LHFPL6: variants seen among roughly 807,000 people sequenced by gnomAD.
LHFPL6 encodes LHFPL tetraspan subfamily member 6.
In LHFPL6, 9 loss-of-function variants were observed where a neutral mutation model predicts 20.6. That is an observed-to-expected ratio of 0.44 (90% CI 0.26 to 0.76). LHFPL6 has a LOEUF of 0.76. Among genes scored for constraint, LHFPL6 ranks in the 30% least tolerant of loss-of-function variants. The pLI is 0.20. For missense variants in LHFPL6, 218 were observed against 253.5 expected, an observed-to-expected ratio of 0.86 and a Z score of 0.95; for synonymous variants, 105 against 98.7, an observed-to-expected ratio of 1.06 and a Z score of -0.38.
At chr13:39,596,933 A>G (rs1872788536) in intron 2 of LHFPL6, among the ~76,000 whole-genome samples, 1 of 152,224 alleles carries the variant, frequency 6.6e-6, no homozygotes, top group African/African-American at 2.4e-5. Flanking sequence ...TCAAGTCATG[A>G]AAGACAGGCC....
At chr13:39,464,410 G>A (rs1872753357) in intron 2 of LHFPL6, among the ~76,000 whole-genome samples, 1 of 152,070 alleles carries the variant, frequency 6.6e-6, no homozygotes, top group Non-Finnish European at 1.5e-5. Flanking sequence ...AACAGAGAAG[G>A]AAATCAAATG....
At chr13:39,455,362 T>C (rs987149273) in intron 2 of LHFPL6, among the ~76,000 whole-genome samples, 1 of 152,172 alleles carries the variant, frequency 6.6e-6, no homozygotes, top group African/African-American at 2.4e-5. Flanking sequence ...TTTCACAGCA[T>C]GCTCTGAAAT....
At chr13:39,455,695 C>T (rs943565) in intron 2 of LHFPL6, among the ~76,000 whole-genome samples, 148,231 of 152,248 alleles carry the variant, frequency 0.97, 72,276 homozygotes, top group East Asian at 1. Flanking sequence ...TCACAGTTAA[C>T]GTAATGTATT....
chr13:39,527,630 A>T (rs1415794124), intron 2 of LHFPL6, among the ~76,000 whole-genome samples: 2 of 151,978 alleles, frequency 1.3e-5, no homozygotes, highest in Non-Finnish European at 2.9e-5. Context: ...TTATATACTC[A>T]TCATTTTTTT....
At chr13:39,439,179 C>T (rs1872048363) in intron 2 of LHFPL6, among the ~76,000 whole-genome samples, 1 of 152,238 alleles carries the variant, frequency 6.6e-6, no homozygotes, top group African/African-American at 2.4e-5. Context: ...GGGAGCCCAC[C>T]CATTGCACCA....
At chr13:39,481,969 G>T (rs1176396319) in intron 2 of LHFPL6, among the ~76,000 whole-genome samples, 1 of 152,146 alleles carries the variant, frequency 6.6e-6, no homozygotes, top group Non-Finnish European at 1.5e-5. Context: ...TAGGGTGAAA[G>T]AACATGGATA....
chr13:39,458,022 T>C (rs538645738), intron 2 of LHFPL6, among the ~76,000 whole-genome samples: 134 of 152,272 alleles, frequency 8.8e-4, no homozygotes, highest in African/African-American at 2.9e-3. Flanking sequence ...GAGCTTTTAT[T>C]ATATTTTTGG....
intron 2 of LHFPL6, among the ~76,000 whole-genome samples, chr13:39,574,363 T>G (rs567611477): frequency 6.6e-6 from 1 of 151,754 alleles, no homozygotes; most frequent in South Asian, 2.1e-4. Context: ...GCACCTGTAG[T>G]CCCAGCTACT....
intron 2 of LHFPL6, among the ~76,000 whole-genome samples, chr13:39,394,251 C>G (rs1269902892): frequency 6.6e-6 from 1 of 152,104 alleles, no homozygotes; most frequent in African/African-American, 2.4e-5. Flanking sequence ...CAAATTTCCT[C>G]TTGCGATAAA....
At chr13:39,349,261 A>G (rs1042833233) in intron 3 of LHFPL6, among the ~76,000 whole-genome samples, 4 of 152,252 alleles carry the variant, frequency 2.6e-5, no homozygotes, top group African/African-American at 9.6e-5. Flanking sequence ...AATTATATTG[A>G]GATATAGCCA....
chr13:39,572,686 C>A (rs1052369263), intron 2 of LHFPL6, among the ~76,000 whole-genome samples: 8 of 152,202 alleles, frequency 5.3e-5, no homozygotes, highest in African/African-American at 1.9e-4. Context: ...CCTCTCCTGT[C>A]CTCTATTTCC....
intron 2 of LHFPL6, among the ~76,000 whole-genome samples, chr13:39,401,105 T>C (rs1870979451): frequency 6.6e-6 from 1 of 152,228 alleles, no homozygotes; most frequent in Non-Finnish European, 1.5e-5. Context: ...TGAGCGCAAC[T>C]ACAAATATCC....
chr13:39,509,877 C>T (rs1209169502), intron 2 of LHFPL6, among the ~76,000 whole-genome samples: 1 of 152,136 alleles, frequency 6.6e-6, no homozygotes, highest in African/African-American at 2.4e-5. Context: ...AAGGGTGAGG[C>T]TGCAGTCAGC....
At chr13:39,471,481 C>A (rs1872944411) in intron 2 of LHFPL6, among the ~76,000 whole-genome samples, 1 of 152,166 alleles carries the variant, frequency 6.6e-6, no homozygotes, top group Non-Finnish European at 1.5e-5. Context: ...CTGTGGCAGG[C>A]AGCTTCTTTA....
intron 2 of LHFPL6, among the ~76,000 whole-genome samples, chr13:39,430,686 G>A (rs560622745): frequency 4.9e-4 from 74 of 152,224 alleles, no homozygotes; most frequent in African/African-American, 1.1e-3. Context: ...AGCGCTCTGC[G>A]TCTAGCTAAA....
intron 3 of LHFPL6, among the ~76,000 whole-genome samples, chr13:39,351,899 G>C (rs1212401692): frequency 6.6e-6 from 1 of 152,108 alleles, no homozygotes; most frequent in Admixed American, 6.5e-5. Flanking sequence ...AATTTGTACT[G>C]ACCATGAGGC....
chr13:39,368,810 T>G (rs1251566435), intron 3 of LHFPL6, among the ~76,000 whole-genome samples: 1 of 152,114 alleles, frequency 6.6e-6, no homozygotes, highest in Non-Finnish European at 1.5e-5. Context: ...AACAAAAAAA[T>G]TATTTCAGTC....
At position 39,446,330 on chromosome 13, in the gene LHFPL6, C is replaced by T. The variant is rs114517238; in HGVS notation, c.386-67804G>A. Among the ~76,000 whole-genome samples, 793 of 152,292 alleles carry T rather than the reference C, an allele frequency of 5.2e-3. 6 individuals carry two copies. The highest frequency in any genetic ancestry group is 0.018 in the African/African-American group (742 of 41,562). On this transcript the variant is annotated intron_variant, in intron 2 of 3. Coordinates refer to ENST00000379589, the MANE Select transcript of LHFPL6 (RefSeq NM_005780.3). The stretch of plus-strand genomic sequence containing the variant: ...CACTGTAACTCCTACCACTCAGAAC[C>T]ATTTAGTTGAAAGGTGCTATGAAAT...
chr13:39,420,531 C>T (rs73458831), intron 2 of LHFPL6, among the ~76,000 whole-genome samples: 3,940 of 152,176 alleles, frequency 0.026, 152 homozygotes, highest in African/African-American at 0.087. Context: ...GAGTATAACC[C>T]AAGACTCCCT....
Sources: gnomAD v4.1 joint callset for allele counts (sites outside exome capture counted in the v4.1 genomes callset) on GRCh38, gnomAD v4.1.1 for gene constraint, MANE v1.5 for transcripts, NCBI Gene and HGNC (gene_info 2026-07-23, HGNC 2026-07-21) for gene names.